CERS1: variants seen among roughly 807,000 people sequenced by gnomAD.
CERS1 encodes the protein ceramide synthase 1.
CERS1 carries 16 observed loss-of-function variants against 35.7 expected under a neutral mutation model. That is an observed-to-expected ratio of 0.45 (90% CI 0.30 to 0.68). CERS1 has a LOEUF of 0.68. Ranked by LOEUF, CERS1 falls within the 30% of genes least tolerant of loss-of-function variation. The probability of loss-of-function intolerance (pLI) is 0.08; values close to 1 mark genes in which losing one functional copy is unlikely to be tolerated. For missense variants in CERS1, 454 were observed against 453.9 expected (o/e 1.00, Z 0.00); for synonymous variants, 243 against 201.6 (o/e 1.21, Z -1.74).
At position 18,895,878 on chromosome 19, in the gene CERS1, G is replaced by A. The variant is rs1314472712; in HGVS notation, c.195C>T (p.Leu65=). The change falls in exon 1 of 8, where the codon CTC becomes CTT. Residue 65 remains leucine (L), a synonymous_variant. Transcript: ENST00000623882. The surrounding 1 kb of genome is among the most constrained non-coding windows in gnomAD (Gnocchi z 6.4). ...LAPPELLLLA[L]GALGWTALRS... is the part of the protein sequence containing the mutation. ...GCAGGGCGGTCCAGCCCAGCGCGCC[G>A]AGCGCCAGCAGCAGCAGCTCGGGCG... 13 of 1,282,856 alleles carry A rather than the reference G, an allele frequency of 1.0e-5. No individual in the cohort carries two copies. Among genetic ancestry groups the A allele is most frequent in the African/African-American group, 7.9e-5 (5 of 62,904 alleles). The allele number at this position is 1,282,856 out of a possible 1,614,324, so 79.5% of individuals were successfully genotyped here.
Position 18,870,226 on chromosome 19 carries a change from G to A in CERS1, c.*351C>T, listed in dbSNP as rs1601146689. On this transcript the variant is annotated 3_prime_UTR_variant, in exon 7 of 8. Coordinates refer to ENST00000623882, the MANE Select transcript of CERS1 (RefSeq NM_021267.5). This position sits in a 1 kb window ranked among gnomAD's most constrained non-coding sequence, Gnocchi z 5.1. ...GCTGGGCCTGGGGGCACGGGGGCGCGGGTCAGGGGCAGCGAGGGCAGCAGC... is the reference window on the plus strand; with the variant it reads ...GCTGGGCCTGGGGGCACGGGGGCGCAGGTCAGGGGCAGCGAGGGCAGCAGC... 16 of 1,554,950 alleles carry A rather than the reference G, an allele frequency of 1.0e-5. No homozygotes were observed. Among genetic ancestry groups the A allele is most frequent in the Non-Finnish European group, 1.4e-5 (16 of 1,154,674 alleles).
Position 18,884,035 on chromosome 19 carries a change from G to A in CERS1, c.590+52C>T, listed in dbSNP as rs1415731564. 52 of 1,566,858 alleles carry A rather than the reference G, an allele frequency of 3.3e-5. No homozygotes were observed. In the East Asian group the frequency reaches 9.7e-4, roughly 29 times the overall value. ...GTGCCCCGCCGCAACATCAGCCTCC[G>A]CACTCTGTGTGGGCTGTGCCTCGGC... On this transcript the variant is annotated intron_variant, in intron 3 of 7. Transcript: ENST00000623882.
intron 3 of CERS1, among the ~76,000 whole-genome samples, chr19:18,881,221 A>ATT (rs764854215): frequency 1.2e-4 from 17 of 138,484 alleles, no homozygotes; most frequent in Non-Finnish European, 2.0e-4. Context: ...TTTTTTTTTA[A>ATT]TTTTTTTTTT....
In CERS1 at chr19:18,896,109, C is replaced by T. The variant is rs2056622205; in HGVS notation, c.-37G>A. The T allele has an allele frequency of 8.2e-6, 7 of 849,610 alleles. No individual in the cohort carries two copies. Among genetic ancestry groups the T allele is most frequent in the Admixed American group, 6.4e-5 (1 of 15,606 alleles). The allele number at this position is 849,610 out of a possible 1,614,324, so 52.6% of individuals were successfully genotyped here. A position where few individuals can be genotyped will look rare whatever the true frequency, so the allele number is the denominator to read the frequency against. On this transcript the variant is annotated 5_prime_UTR_variant, in exon 1 of 8. Transcript: ENST00000623882. The surrounding 1 kb of genome is among the most constrained non-coding windows in gnomAD (Gnocchi z 5.9). ...GCCCGCCGTGCCCGTCGCCTGCGCC[C>T]GCCCGCGGTAGCCGACGGAGCCGCG...
chr19:18,878,580 G>A lies in CERS1; in HGVS notation c.1010+350C>T, dbSNP rs1009128636. On this transcript the variant is annotated intron_variant, in intron 6 of 7. Transcript: ENST00000623882. This position sits in a 1 kb window ranked among gnomAD's most constrained non-coding sequence, Gnocchi z 4.6. ...CCAGTGGCGACATGGGTCAGAGGTCGTCATCCAGGCTGGCCAGCAACTACT... is the reference window on the plus strand; with the variant it reads ...CCAGTGGCGACATGGGTCAGAGGTCATCATCCAGGCTGGCCAGCAACTACT... The A allele has an allele frequency of 1.4e-5, 15 of 1,092,302 alleles. No individual in the cohort carries two copies. The highest frequency in any genetic ancestry group is 1.2e-4 in the African/African-American group (7 of 60,398). The allele number at this position is 1,092,302 out of a possible 1,614,324, so 67.7% of individuals were successfully genotyped here.
rs868136098 is a variant in CERS1 at position 18,896,036 on chromosome 19, G to A, written c.37C>T (p.Pro13Ser). 211 of 989,926 alleles carry A rather than the reference G, an allele frequency of 2.1e-4. No individual in the cohort carries two copies. In the African/African-American group the frequency reaches 3.0e-3, roughly 14 times the overall value. The allele number at this position is 989,926 out of a possible 1,614,324, so 61.3% of individuals were successfully genotyped here. A position where few individuals can be genotyped will look rare whatever the true frequency, so the allele number is the denominator to read the frequency against. ...AAGPAAGPTG[P>S]EPMPSYAQLV... ...TGCGCGTAGCTCGGCATGGGCTCGG[G>A]CCCCGTCGGCCCCGCCGCGGGCCCC... The change falls in exon 1 of 8, where the codon CCC becomes TCC. Residue 13 changes from proline (P) to serine (S), a missense_variant. By Grantham distance (74) the Pro-to-Ser change is moderately conservative. Transcript: ENST00000623882. This position sits in a 1 kb window ranked among gnomAD's most constrained non-coding sequence, Gnocchi z 5.9.
chr19:18,879,034 G>A lies in CERS1; in HGVS notation c.906C>T (p.Ile302=), dbSNP rs377364343. 1.3e-5 allele frequency: 21 copies of A among 1,613,272 alleles called. No individual in the cohort carries two copies. The highest frequency in any genetic ancestry group is 2.7e-5 in the African/African-American group (2 of 74,906). ...TCAACACCTTGGCTGCAAACGCCAC[G>A]ATGTACTGCGAGAGGGGAGGGGAGG... ...TLMNLYWFLY[I]VAFAAKVLTG... Residue 302 remains isoleucine (I), a synonymous_variant, in exon 6 of 8, where the codon ATC becomes ATT. Transcript: ENST00000623882.
intron 4 of CERS1, among the ~76,000 whole-genome samples, chr19:18,879,685 A>G (rs1488704176): frequency 3.7e-5 from 2 of 53,848 alleles, no homozygotes; most frequent in East Asian, 8.7e-4. Context: ...GGCCCCACCT[A>G]CCTCACCAAA....
rs77490035 is a variant in CERS1, at chr19:18,883,223, C to G, written c.590+864G>C. 3.5e-3 allele frequency: 540 copies of G among 152,192 alleles called. 3 individuals carry two copies. The highest frequency in any genetic ancestry group is 0.012 in the African/African-American group (518 of 41,530). 9.4% of individuals were successfully genotyped at this position (152,192 alleles called of 1,614,324 possible). Reference sequence around the variant, plus strand: ...TATTATCGCAGCTAGAGCAGCTAGTCCCGTAGGAATAGTATATGAGCAGTG... The same window carrying G: ...TATTATCGCAGCTAGAGCAGCTAGTGCCGTAGGAATAGTATATGAGCAGTG... On this transcript the variant is annotated intron_variant, in intron 3 of 7. Coordinates refer to ENST00000623882, the MANE Select transcript of CERS1 (RefSeq NM_021267.5).
rs765754803 is a variant in CERS1 at position 18,893,573 on chromosome 19, G to A, written c.252C>T (p.Pro84=). The change falls in exon 2 of 8, where the codon CCC becomes CCT. Residue 84 remains proline, a splice_region_variant and synonymous_variant. Coordinates refer to ENST00000623882, the MANE Select transcript of CERS1 (RefSeq NM_021267.5). ...GCTGGAGGCAGCACCGCTTCGCCAGGGGCTATGGGGGAGAAGACAGGCGGG... is the reference window on the plus strand; with the variant it reads ...GCTGGAGGCAGCACCGCTTCGCCAGAGGCTATGGGGGAGAAGACAGGCGGG... ...RSAATARLFR[P]LAKRCCLQPR... 9 of 1,606,728 alleles carry A rather than the reference G, an allele frequency of 5.6e-6. No homozygotes were observed. In the East Asian group the frequency reaches 1.6e-4, roughly 28 times the overall value.
rs1260211767 is a variant in CERS1 at position 18,870,589 on chromosome 19, G to C, written c.1041C>G (p.Asp347Glu). 2 of 593,472 alleles carry C rather than the reference G, an allele frequency of 3.4e-6. No individual in the cohort carries two copies. Among genetic ancestry groups the C allele is most frequent in the African/African-American group, 3.9e-5 (2 of 51,090 alleles). 36.8% of individuals were successfully genotyped at this position (593,472 alleles called of 1,614,324 possible). ...EKPLRNGLVKDKRF is the reference protein window; with the variant it reads ...EKPLRNGLVKEKRF The stretch of plus-strand genomic sequence containing the variant: ...GGGGCCGAGGGGTTCAGAAGCGCTT[G>C]TCCTTCACCAGGCCGTTCCTCAGTG... The change falls in exon 7 of 8, where the codon GAC becomes GAG. Residue 347 changes from aspartate (D) to glutamate (E), a missense_variant. Physicochemically the swap from Asp to Glu is conservative, Grantham distance 45 (BLOSUM62 2). Coordinates refer to ENST00000623882, the MANE Select transcript of CERS1 (RefSeq NM_021267.5). This position sits in a 1 kb window ranked among gnomAD's most constrained non-coding sequence, Gnocchi z 5.1.
intron 2 of CERS1, among the ~76,000 whole-genome samples, chr19:18,884,962 T>C (rs1280670793): frequency 2.0e-5 from 3 of 151,968 alleles, no homozygotes; most frequent in East Asian, 1.9e-4. Context: ...GTGATCCACC[T>C]GCCTCGGCCT....
At position 18,896,115 on chromosome 19, in the gene CERS1, C is replaced by T; in HGVS notation, c.-43G>A. 1 of 784,502 alleles carries T rather than the reference C, an allele frequency of 1.3e-6. No homozygotes were observed. The highest frequency in any genetic ancestry group is 1.5e-6 in the Non-Finnish European group (1 of 649,424). 48.6% of individuals were successfully genotyped at this position (784,502 alleles called of 1,614,324 possible). A position where few individuals can be genotyped will look rare whatever the true frequency, so the allele number is the denominator to read the frequency against. ...CGTGCCCGTCGCCTGCGCCCGCCCG[C>T]GGTAGCCGACGGAGCCGCGCGCCCC... On this transcript the variant is annotated 5_prime_UTR_variant, in exon 1 of 8. Coordinates refer to ENST00000623882, the MANE Select transcript of CERS1 (RefSeq NM_021267.5). The surrounding 1 kb of genome is among the most constrained non-coding windows in gnomAD (Gnocchi z 5.9).
chr19:18,876,446 A>G (rs1260524864), intron 6 of CERS1, among the ~76,000 whole-genome samples: 3 of 151,702 alleles, frequency 2.0e-5, no homozygotes, highest in Non-Finnish European at 4.4e-5. Context: ...GGCTTAAGTG[A>G]TCCTCCCACC....
chr19:18,880,135 T>A (rs973381893), intron 4 of CERS1, 139 bp downstream of exon 4: 37 of 612,694 alleles, frequency 6.0e-5, no homozygotes, highest in Non-Finnish European at 7.3e-5. Context: ...ACCCAAATCA[T>A]GAGGCCCCTC....
At chr19:18,875,271 C>T (rs1005154855) in intron 6 of CERS1, among the ~76,000 whole-genome samples, 2 of 150,254 alleles carry the variant, frequency 1.3e-5, no homozygotes, top group East Asian at 2.0e-4. Flanking sequence ...ACAGGCTGGG[C>T]GCGGTGGCTC....
intron 4 of CERS1, 137 bp from the exon 5 acceptor site, chr19:18,879,525 G>A: frequency 1.9e-6 from 2 of 1,063,898 alleles, no homozygotes. Flanking sequence ...TTCTACTACT[G>A]CTCTGTCCTT....
chr19:18,873,021 G>A (rs77091174), intron 6 of CERS1, among the ~76,000 whole-genome samples: 2,050 of 152,304 alleles, frequency 0.013, 34 homozygotes, highest in African/African-American at 0.039. Flanking sequence ...CAGAGCGAGT[G>A]TGCAGAGAGA....
Position 18,880,300 on chromosome 19 carries a change from C to A in CERS1, c.726G>T (p.Leu242Phe). Residue 242 changes from leucine (L) to phenylalanine (F), a missense_variant, in exon 4 of 8, where the codon TTG becomes TTT. Physicochemically the swap from Leu to Phe is conservative, Grantham distance 22. Coordinates refer to ENST00000623882, the MANE Select transcript of CERS1 (RefSeq NM_021267.5). The part of the protein sequence containing the change: ...YHRLHALAAD[L>F]GCLSFGFSWF... Reference sequence around the variant, plus strand: ...AGCTGAAGCCGAAGCTGAGGCAGCCCAAGTCTGCTGCCAAGGCATGCAGCC... The same window carrying A: ...AGCTGAAGCCGAAGCTGAGGCAGCCAAAGTCTGCTGCCAAGGCATGCAGCC... 6.4e-6 allele frequency: 10 copies of A among 1,552,266 alleles called. No individual in the cohort carries two copies. The highest frequency in any genetic ancestry group is 8.7e-6 in the Non-Finnish European group (10 of 1,148,018).
Sources: gnomAD v4.1 joint callset for allele counts (sites outside exome capture counted in the v4.1 genomes callset) on GRCh38, gnomAD v4.1.1 for gene constraint, Gnocchi (gnomAD v3.1) non-coding constraint, MANE v1.5 for transcripts, NCBI Gene and HGNC (gene_info 2026-07-23, HGNC 2026-07-21) for gene names.